Variants in NUP210L observed in about 807,000 individuals in gnomAD.
NUP210L encodes nuclear pore membrane glycoprotein 210-like.
NUP210L carries 74 observed loss-of-function variants against 208.5 expected under a neutral mutation model. The observed-to-expected ratio is 0.35, with a 90% CI of 0.29 to 0.43. NUP210L has a LOEUF of 0.43. Among genes scored for constraint, NUP210L ranks in the 20% least tolerant of loss-of-function variants. The pLI, the probability that NUP210L is intolerant of heterozygous loss-of-function variation, is 1.00. For missense variants in NUP210L, 1,843 were observed against 2,289.4 expected, an observed-to-expected ratio of 0.81 and a Z score of 3.98; for synonymous variants, 780 against 816.9, an observed-to-expected ratio of 0.95 and a Z score of 0.77.
At chr1:154,147,463 G>A (rs1460859694) in intron 2 of NUP210L, among the ~76,000 whole-genome samples, 5 of 151,648 alleles carry the variant, frequency 3.3e-5, no homozygotes, top group Non-Finnish European at 5.9e-5. Context: ...TTGGCCTCCT[G>A]AGTAGCTGGG....
chr1:154,087,903 CTA>C (rs1353428858), intron 16 of NUP210L, among the ~76,000 whole-genome samples: 1 of 152,122 alleles, frequency 6.6e-6, no homozygotes, highest in East Asian at 1.9e-4. Context: ...GACAGAAAGT[CTA>C]TCAGTGGGGT....
intron 15 of NUP210L, among the ~76,000 whole-genome samples, chr1:154,094,302 AC>A (rs1317620213): frequency 1.3e-5 from 2 of 151,182 alleles, no homozygotes; most frequent in East Asian, 3.9e-4. Context: ...AACAACAACA[AC>A]AAAAATTAGC....
intron 14 of NUP210L, among the ~76,000 whole-genome samples, chr1:154,097,622 C>T (rs560043519): frequency 3.2e-4 from 49 of 152,212 alleles, no homozygotes; most frequent in African/African-American, 1.0e-3. Flanking sequence ...ACAATGAGGC[C>T]AACTTAAAAT....
chr1:154,076,966 T>A (rs1655069205), intron 16 of NUP210L, among the ~76,000 whole-genome samples: 1 of 152,014 alleles, frequency 6.6e-6, no homozygotes, highest in African/African-American at 2.4e-5. Flanking sequence ...GACAGAATCA[T>A]AAAAACAGAA....
chr1:154,066,975 A>G (rs988693220), intron 17 of NUP210L, among the ~76,000 whole-genome samples: 2 of 152,348 alleles, frequency 1.3e-5, no homozygotes. Flanking sequence ...AAAAAAGTCC[A>G]GGACCAGACG....
At chr1:154,082,702 G>T (rs1655403662) in intron 16 of NUP210L, among the ~76,000 whole-genome samples, 1 of 152,178 alleles carries the variant, frequency 6.6e-6, no homozygotes. Context: ...ACCAATTACG[G>T]AACTGGTCAG....
At chr1:154,009,473 A>G (rs954620131) in intron 35 of NUP210L, among the ~76,000 whole-genome samples, 1 of 152,118 alleles carries the variant, frequency 6.6e-6, no homozygotes, top group Admixed American at 6.6e-5. Flanking sequence ...AGGATATTCT[A>G]GGAGGCATGT....
At chr1:154,144,708 A>G (rs1270302668) in intron 2 of NUP210L, among the ~76,000 whole-genome samples, 1 of 152,264 alleles carries the variant, frequency 6.6e-6, no homozygotes, top group Non-Finnish European at 1.5e-5. Context: ...CAAAAAAACC[A>G]AAAAGCAAAG....
intron 16 of NUP210L, among the ~76,000 whole-genome samples, chr1:154,089,055 C>T (rs1008763593): frequency 6.6e-6 from 1 of 152,088 alleles, no homozygotes; most frequent in Non-Finnish European, 1.5e-5. Flanking sequence ...GTAGTCAGAT[C>T]TCAAGTGTCT....
chr1:154,121,571 T>C (rs939063288), intron 10 of NUP210L, among the ~76,000 whole-genome samples: 1 of 152,132 alleles, frequency 6.6e-6, no homozygotes. Flanking sequence ...TCTTCCACCA[T>C]AAGAAACTTT....
intron 37 of NUP210L, among the ~76,000 whole-genome samples, chr1:153,996,873 A>G (rs909469671): frequency 1.7e-5 from 2 of 120,624 alleles, no homozygotes; most frequent in African/African-American, 6.2e-5. Flanking sequence ...TTTTTTTGAG[A>G]CAAGGTCTCA....
exon 36 of NUP210L, chr1:154,001,956 G>A (rs1650242978): frequency 1.2e-6 from 2 of 1,613,980 alleles, no homozygotes; most frequent in East Asian, 4.5e-5. Flanking sequence ...TCTGACTGCG[G>A]TCGAACCTTG....
chr1:154,095,440 A>G lies in NUP210L; in HGVS notation c.1966-284T>C, dbSNP rs942345827. Among the ~76,000 whole-genome samples, 5 of 152,298 alleles carry G rather than the reference A, an allele frequency of 3.3e-5. 1 individual carries two copies. In the Middle Eastern group the frequency reaches 0.01, roughly 311 times the overall value. ...CTAAGCTCTTACAGTATTTATCTGT[A>G]CCATTCATTTGTACCCTGTTCATTT... On this transcript the variant is annotated intron_variant, in intron 14 of 39. Transcript: ENST00000368559.
chr1:154,118,766 G>T, exon 11 of NUP210L: 3 of 1,594,102 alleles, frequency 1.9e-6, no homozygotes, highest in Non-Finnish European at 2.6e-6. Flanking sequence ...TTCACTTCTT[G>T]TTGGTGTTTG....
chr1:154,073,418 T>G (rs1654865785), intron 16 of NUP210L, among the ~76,000 whole-genome samples: 1 of 151,932 alleles, frequency 6.6e-6, no homozygotes. Flanking sequence ...CGCAGCTACT[T>G]GAGAAACTGA....
At chr1:154,068,661 C>G (rs1654537386) in intron 17 of NUP210L, among the ~76,000 whole-genome samples, 1 of 152,134 alleles carries the variant, frequency 6.6e-6, no homozygotes, top group African/African-American at 2.4e-5. Context: ...GCCTGGGTGA[C>G]AGAGCAAGAC....
intron 12 of NUP210L, among the ~76,000 whole-genome samples, chr1:154,105,631 T>A (rs545813738): frequency 1.3e-5 from 2 of 152,308 alleles, no homozygotes; most frequent in South Asian, 2.1e-4. Flanking sequence ...AGCAGAGACT[T>A]CTTCTGCTTA....
rs532688096 is a variant in NUP210L, at chr1:154,109,154, C to G, written c.1621-4944G>C. Among the ~76,000 whole-genome samples, 3 of 151,540 alleles carry G rather than the reference C, an allele frequency of 2.0e-5. 1 individual carries two copies. Among genetic ancestry groups the G allele is most frequent in the African/African-American group, 7.3e-5 (3 of 40,996 alleles). On this transcript the variant is annotated intron_variant, in intron 12 of 39. Coordinates refer to ENST00000368559, the Ensembl canonical transcript of NUP210L. Reference sequence around the variant, plus strand: ...CAATCTGTTGCCTACAAGAAACATGCTTCACCTATAAAGACACATGTAGAC... The same window carrying G: ...CAATCTGTTGCCTACAAGAAACATGGTTCACCTATAAAGACACATGTAGAC...
chr1:154,061,121 T>C, intron 18 of NUP210L, 75 bp from the exon 19 acceptor site: 2 of 1,003,186 alleles, frequency 2.0e-6, no homozygotes, highest in South Asian at 2.7e-5. Context: ...CTTACGCTTG[T>C]AATCCCAGCA....
Sources: gnomAD v4.1 joint callset for allele counts (sites outside exome capture counted in the v4.1 genomes callset) on GRCh38, gnomAD v4.1.1 for gene constraint, MANE v1.5 for transcripts, NCBI Gene and HGNC (gene_info 2026-07-23, HGNC 2026-07-21) for gene names.